Variants in SUGCT observed in about 807,000 individuals in gnomAD.
The protein encoded by SUGCT is succinyl-CoA:glutarate CoA-transferase.
A neutral mutation model predicts 55.0 loss-of-function variants in SUGCT; 41 were observed. The observed-to-expected ratio is 0.74, with a 90% confidence interval of 0.58 to 0.97. The LOEUF (loss-of-function observed/expected upper bound fraction) is 0.97. Ranked by LOEUF, SUGCT falls within the 50% of genes least tolerant of loss-of-function variation. SUGCT has a pLI of 0.00. For missense variants in SUGCT, 568 were observed against 547.8 expected (o/e 1.04, Z -0.37); for synonymous variants, 187 against 200.4 (o/e 0.93, Z 0.56).
chr7:40,496,306 A>G lies in SUGCT; in HGVS notation c.1009A>G (p.Lys337Glu). ...TAGGTTTGAAGAAGAACTGACCAGCAAGTGGTTATATCTTTTTGAAGGCAG... is the reference window on the plus strand; with the variant it reads ...TAGGTTTGAAGAAGAACTGACCAGCGAGTGGTTATATCTTTTTGAAGGCAG... ...SERFEEELTSKWLYLFEGSGV... is the reference protein window; with the variant it reads ...SERFEEELTSEWLYLFEGSGV... The change falls in exon 12 of 14, where the codon AAG becomes GAG. Residue 337 changes from lysine (K) to glutamate (E), a missense_variant. Physicochemically the swap from Lys to Glu is moderately conservative, Grantham distance 56. Transcript: ENST00000335693. 1 of 1,612,668 alleles carries G rather than the reference A, an allele frequency of 6.2e-7. No homozygotes were observed. The highest frequency in any genetic ancestry group is 8.5e-7 in the Non-Finnish European group (1 of 1,179,196).
intron 12 of SUGCT, among the ~76,000 whole-genome samples, chr7:40,737,987 G>T (rs188721627): frequency 3.6e-4 from 54 of 151,686 alleles, no homozygotes; most frequent in African/African-American, 1.2e-3. Flanking sequence ...AGATCACGAG[G>T]TCAGGAGATC....
intron 12 of SUGCT, among the ~76,000 whole-genome samples, chr7:40,696,442 A>G (rs1272677834): frequency 6.6e-6 from 1 of 152,170 alleles, no homozygotes; most frequent in Non-Finnish European, 1.5e-5. Context: ...GCCAGTCTCC[A>G]AGGGATAAAT....
chr7:40,759,406 T>C (rs989764070), intron 13 of SUGCT, among the ~76,000 whole-genome samples: 1 of 152,212 alleles, frequency 6.6e-6, no homozygotes, highest in Non-Finnish European at 1.5e-5. Flanking sequence ...ATATGGTATA[T>C]ATATGAATAC....
chr7:40,265,464 C>T (rs953557087), intron 7 of SUGCT, among the ~76,000 whole-genome samples: 1 of 152,084 alleles, frequency 6.6e-6, no homozygotes, highest in African/African-American at 2.4e-5. Context: ...CCCTCTCTCC[C>T]CCCTCCTTCT....
chr7:40,814,232 G>A (rs976416125), intron 13 of SUGCT, among the ~76,000 whole-genome samples: 1 of 151,904 alleles, frequency 6.6e-6, no homozygotes, highest in African/African-American at 2.4e-5. Flanking sequence ...TCTTGTATCT[G>A]GATGTGTACC....
At chr7:40,387,430 GT>G (rs907792708) in intron 9 of SUGCT, among the ~76,000 whole-genome samples, 2 of 152,106 alleles carry the variant, frequency 1.3e-5, no homozygotes, top group African/African-American at 4.8e-5. Context: ...TTCTATTTGG[GT>G]TTTTGAACTG....
chr7:40,862,974 C>T (rs888969402), downstream of SUGCT, among the ~76,000 whole-genome samples: 1 of 152,014 alleles, frequency 6.6e-6, no homozygotes, highest in Non-Finnish European at 1.5e-5. Context: ...CACGGTGGCT[C>T]ATGCCTGTAA....
At chr7:40,801,601 A>G (rs1790819726) in intron 13 of SUGCT, among the ~76,000 whole-genome samples, 1 of 152,194 alleles carries the variant, frequency 6.6e-6, no homozygotes, top group Non-Finnish European at 1.5e-5. Flanking sequence ...AACCATAAAA[A>G]TGAAGACTGA....
chr7:40,227,841 C>A (rs2150847607), intron 6 of SUGCT, among the ~76,000 whole-genome samples: 1 of 150,406 alleles, frequency 6.6e-6, no homozygotes, highest in South Asian at 2.1e-4. Context: ...AATCATAATT[C>A]CTTTATTTTA....
chr7:40,646,655 T>A (rs899452086), intron 12 of SUGCT, among the ~76,000 whole-genome samples: 1 of 152,204 alleles, frequency 6.6e-6, no homozygotes, highest in South Asian at 2.1e-4. Context: ...GGCAGGTTAC[T>A]TTCATCCTTG....
chr7:40,174,647 A>C (rs1023521029), intron 1 of SUGCT, among the ~76,000 whole-genome samples: 1 of 152,166 alleles, frequency 6.6e-6, no homozygotes, highest in Non-Finnish European at 1.5e-5. Context: ...TGTCTCTCAA[A>C]ACATAAATAA....
chr7:40,824,440 AAGG>A (rs55824455), intron 13 of SUGCT, among the ~76,000 whole-genome samples: 13,228 of 152,168 alleles, frequency 0.087, 660 homozygotes, highest in Middle Eastern at 0.17. Context: ...TGTGCAGATA[AAGG>A]AGTTTTCTTA....
the SUGCT span, among the ~76,000 whole-genome samples, chr7:41,021,806 T>C: frequency 3.3e-4 from 50 of 151,904 alleles, no homozygotes; most frequent in East Asian, 7.2e-3. Context: ...GAGAAAGCAA[T>C]TTAAAACTTA....
intron 12 of SUGCT, among the ~76,000 whole-genome samples, chr7:40,536,191 A>G (rs754477042): frequency 4.6e-5 from 7 of 152,136 alleles, no homozygotes; most frequent in Non-Finnish European, 8.8e-5. Context: ...CCACACATCA[A>G]TTTCTGGTTT....
At chr7:40,799,719 G>A (rs1269198695) in intron 13 of SUGCT, among the ~76,000 whole-genome samples, 1 of 152,166 alleles carries the variant, frequency 6.6e-6, no homozygotes, top group Admixed American at 6.5e-5. Flanking sequence ...TTTGTCAGTT[G>A]AGGCAGTTAG....
chr7:40,942,717 T>A, the SUGCT span, among the ~76,000 whole-genome samples: 1 of 152,130 alleles, frequency 6.6e-6, no homozygotes, highest in Non-Finnish European at 1.5e-5. Context: ...TTTGGATAAT[T>A]TACATAATGC....
the SUGCT span, among the ~76,000 whole-genome samples, chr7:40,950,392 T>C: frequency 6.6e-6 from 1 of 152,234 alleles, no homozygotes; most frequent in South Asian, 2.1e-4. Context: ...TACAACCATG[T>C]CATCTGCAAA....
the SUGCT span, among the ~76,000 whole-genome samples, chr7:41,016,288 T>C: frequency 2.0e-5 from 3 of 152,222 alleles, no homozygotes; most frequent in African/African-American, 7.2e-5. Flanking sequence ...GGATGTTTAC[T>C]GGCTAATCTT....
intron 13 of SUGCT, among the ~76,000 whole-genome samples, chr7:40,819,240 C>T (rs527650728): frequency 4.6e-5 from 7 of 151,948 alleles, no homozygotes; most frequent in Admixed American, 1.3e-4. Context: ...GTCTTTATAG[C>T]GGCATGATTT....
Sources: gnomAD v4.1 joint callset for allele counts (sites outside exome capture counted in the v4.1 genomes callset) on GRCh38, gnomAD v4.1.1 for gene constraint, MANE v1.5 for transcripts, NCBI Gene and HGNC (gene_info 2026-07-23, HGNC 2026-07-21) for gene names.